The following TMEM87A variants were observed in gnomAD, a reference collection of about 807,000 sequenced individuals.
TMEM87A encodes the protein transmembrane protein 87A.
A neutral mutation model predicts 90.0 loss-of-function variants in TMEM87A; 50 were observed. The observed-to-expected ratio is 0.56, with a 90% CI of 0.44 to 0.70. TMEM87A has a LOEUF of 0.70. Among genes scored for constraint, TMEM87A ranks in the 30% least tolerant of loss-of-function variants. The probability of loss-of-function intolerance (pLI) is 0.00; values close to 1 mark genes in which losing one functional copy is unlikely to be tolerated. For missense variants in TMEM87A, 577 were observed against 660.5 expected (o/e 0.87, Z 1.39); for synonymous variants, 226 against 226.7 (o/e 1.00, Z 0.03).
intron 11 of TMEM87A, among the ~76,000 whole-genome samples, chr15:42,232,088 G>A (rs2050695220): frequency 6.6e-6 from 1 of 152,180 alleles, no homozygotes; most frequent in African/African-American, 2.4e-5. Flanking sequence ...TTTCTTGTGG[G>A]CAAAGCCAAG....
intron 19 of TMEM87A, among the ~76,000 whole-genome samples, chr15:42,216,043 C>A (rs889032953): frequency 6.6e-6 from 1 of 152,158 alleles, no homozygotes; most frequent in Non-Finnish European, 1.5e-5. Context: ...CAATGGAACA[C>A]TTGTCAACCT....
At chr15:42,268,140 CA>C in intron 2 of TMEM87A, 108 bp from the exon 3 acceptor site, 1 of 716,180 alleles carries the variant, frequency 1.4e-6, no homozygotes, top group Admixed American at 2.7e-5. Flanking sequence ...CTGAGATACT[CA>C]AAGACCATCC....
In TMEM87A at chr15:42,233,297, A is replaced by C. The variant is rs767258542; in HGVS notation, c.978T>G (p.Leu326=). The C allele has an allele frequency of 2.5e-6, 4 of 1,613,756 alleles. No individual in the cohort carries two copies. The highest frequency in any genetic ancestry group is 3.4e-6 in the Non-Finnish European group (4 of 1,179,896). Reference sequence around the variant, plus strand: ...CTACAACCTTATGAAGAGTGACTCCAAGGCGTGGCCTAAAGAGGAAGCAAG... The same window carrying C: ...CTACAACCTTATGAAGAGTGACTCCCAGGCGTGGCCTAAAGAGGAAGCAAG... ...SLGYGIVKPR[L]GVTLHKVVVA... is the part of the protein sequence containing the mutation. Residue 326 remains leucine, a synonymous_variant, in exon 11 of 20, where the codon CTT becomes CTG. Transcript: ENST00000389834.
intron 4 of TMEM87A, 27 bp from the exon 5 acceptor site, chr15:42,261,276 T>C: frequency 1.9e-6 from 3 of 1,601,572 alleles, no homozygotes; most frequent in Non-Finnish European, 2.6e-6. Flanking sequence ...AAACAAAACA[T>C]TAAAGGTGTG....
chr15:42,273,073 TCA>T (rs563823727), intron 1 of TMEM87A, 180 bp downstream of exon 1: 16 of 730,162 alleles, frequency 2.2e-5, no homozygotes, highest in Non-Finnish European at 3.7e-5. Flanking sequence ...GCTAGCCTAA[TCA>T]CAGAAGTGCG....
At chr15:42,240,619 C>G (rs572593718) in intron 7 of TMEM87A, among the ~76,000 whole-genome samples, 46 of 152,216 alleles carry the variant, frequency 3.0e-4, no homozygotes, top group African/African-American at 1.1e-3. Flanking sequence ...AAAACTATTT[C>G]AAGATGGACT....
intron 9 of TMEM87A, 97 bp downstream of exon 9, chr15:42,237,335 A>G: frequency 8.4e-7 from 1 of 1,183,962 alleles, no homozygotes; most frequent in Non-Finnish European, 1.2e-6. Context: ...AAGTAATTGA[A>G]AAGTTAAGCC....
At chr15:42,226,731 G>T in intron 15 of TMEM87A, 75 bp downstream of exon 15, 1 of 1,266,520 alleles carries the variant, frequency 7.9e-7, no homozygotes, top group Non-Finnish European at 1.1e-6. Context: ...CCCTGATACT[G>T]TCCCCCAATG....
chr15:42,239,663 C>T lies in TMEM87A; in HGVS notation c.684+7G>A, dbSNP rs1389179049. On this transcript the variant is annotated splice_region_variant and intron_variant, in intron 8 of 19. Coordinates refer to ENST00000389834, the MANE Select transcript of TMEM87A (RefSeq NM_015497.5). Reference sequence around the variant, plus strand: ...ATACTGAGGTTAAATAATATAAAGTCACTTACAATCATCAAGGGATAGTCT... The same window carrying T: ...ATACTGAGGTTAAATAATATAAAGTTACTTACAATCATCAAGGGATAGTCT... 6 of 1,611,726 alleles carry T rather than the reference C, an allele frequency of 3.7e-6. No homozygotes were observed. Among genetic ancestry groups the T allele is most frequent in the African/African-American group, 2.7e-5 (2 of 75,000 alleles).
chr15:42,230,594 G>C (rs10518756), intron 12 of TMEM87A, among the ~76,000 whole-genome samples: 20,868 of 152,172 alleles, frequency 0.14, 1,824 homozygotes, highest in East Asian at 0.29. Context: ...AAGCTTGTTT[G>C]TTATCTGCTG....
chr15:42,243,921 ACAG>A (rs1472297546), intron 7 of TMEM87A, 126 bp downstream of exon 7: 1 of 515,182 alleles, frequency 1.9e-6, no homozygotes, highest in Non-Finnish European at 3.3e-6. Context: ...AAAAATTTTA[ACAG>A]CAGGAGTGTC....
chr15:42,261,504 CA>C (rs1475878344), intron 4 of TMEM87A, among the ~76,000 whole-genome samples: 1 of 152,056 alleles, frequency 6.6e-6, no homozygotes, highest in East Asian at 1.9e-4. Context: ...TTAAGAATGA[CA>C]AAGCTTTAGA....
chr15:42,215,770 C>T (rs181087932), intron 19 of TMEM87A, among the ~76,000 whole-genome samples: 66 of 152,166 alleles, frequency 4.3e-4, no homozygotes, highest in African/African-American at 1.6e-3. Context: ...AAATTGGAAC[C>T]CCTGTGCATT....
intron 12 of TMEM87A, among the ~76,000 whole-genome samples, chr15:42,230,148 G>C (rs1476644257): frequency 6.6e-6 from 1 of 152,216 alleles, no homozygotes; most frequent in Non-Finnish European, 1.5e-5. Flanking sequence ...ATGAGAAGCA[G>C]ATACAAAAAT....
In TMEM87A at chr15:42,231,202, A is replaced by T; in HGVS notation, c.1121T>A (p.Leu374Ter). Residue 374 changes from leucine (L) to a stop codon, truncating the protein, a stop_gained, in exon 12 of 20, where the codon TTG becomes TAG. Coordinates refer to ENST00000389834, the MANE Select transcript of TMEM87A (RefSeq NM_015497.5). LOFTEE classifies it high-confidence loss of function. The stretch of plus-strand genomic sequence containing the variant: ...CAATGAGAAGGATATCCACCAGCAC[A>T]AGGCAGTGTCTAGGAAAGCCAAGGG... The part of the protein sequence containing the change: ...FIPLAFLDTA[L>*]CWWIFISLTQ... 6.2e-7 allele frequency: 1 copy of T among 1,601,790 alleles called. No homozygotes were observed. The highest frequency in any genetic ancestry group is 8.5e-7 in the Non-Finnish European group (1 of 1,175,182).
chr15:42,219,183 T>C (rs541526226), intron 17 of TMEM87A, among the ~76,000 whole-genome samples: 2 of 152,352 alleles, frequency 1.3e-5, no homozygotes, highest in South Asian at 2.1e-4. Flanking sequence ...TTTTTTCATA[T>C]ACTTGTTGGC....
At chr15:42,264,368 A>T (rs2051356698) in intron 3 of TMEM87A, among the ~76,000 whole-genome samples, 165 bp from the exon 4 acceptor site, 1 of 152,220 alleles carries the variant, frequency 6.6e-6, no homozygotes, top group Non-Finnish European at 1.5e-5. Context: ...ATATCTAAGA[A>T]TCAAACACTA....
chr15:42,236,440 A>G, intron 9 of TMEM87A, 21 bp from the exon 10 acceptor site: 2 of 1,608,494 alleles, frequency 1.2e-6, no homozygotes, highest in Non-Finnish European at 1.7e-6. Flanking sequence ...GAAGGGAAGA[A>G]ATGGCACCAT....
rs769459278 is a variant in TMEM87A at position 42,227,788 on chromosome 15, C to T, written c.1241-19G>A. The T allele has an allele frequency of 6.2e-7, 1 of 1,612,672 alleles. No individual in the cohort carries two copies. The highest frequency in any genetic ancestry group is 8.5e-7 in the Non-Finnish European group (1 of 1,179,046). On this transcript the variant is annotated intron_variant, in intron 13 of 19. Coordinates refer to ENST00000389834, the MANE Select transcript of TMEM87A (RefSeq NM_015497.5). Reference sequence around the variant, plus strand: ...ATGGATGCTAACAGTAAATGAAAAACCAGGTCAGAGTATGAATGCTGGTTT... The same window carrying T: ...ATGGATGCTAACAGTAAATGAAAAATCAGGTCAGAGTATGAATGCTGGTTT...
Sources: gnomAD v4.1 joint callset for allele counts (sites outside exome capture counted in the v4.1 genomes callset) on GRCh38, gnomAD v4.1.1 for gene constraint, MANE v1.5 for transcripts, NCBI Gene and HGNC (gene_info 2026-07-23, HGNC 2026-07-21) for gene names.